The following CENPM variants were observed in gnomAD, a reference collection of about 807,000 sequenced individuals.
CENPM encodes interphase centromere complex protein 39.
A neutral mutation model predicts 19.6 loss-of-function variants in CENPM; 14 were observed. The observed-to-expected ratio is 0.71, with a 90% CI of 0.47 to 1.11. The LOEUF is 1.11. CENPM is among the 50% of genes most tolerant of loss of function. CENPM has a pLI of 0.00. For missense variants in CENPM, 239 were observed against 228.4 expected (o/e 1.05, Z -0.30); for synonymous variants, 114 against 101.5 (o/e 1.12, Z -0.74).
Position 41,947,095 on chromosome 22 carries a change from C to G in CENPM, c.-19G>C, listed in dbSNP as rs762721418. ...CCGACATCACAGCCGCAGGACCAAC[C>G]GTTGCTCCTGCGGTGCGCGCCGATC... On this transcript the variant is annotated 5_prime_UTR_variant, in exon 1 of 6. Transcript: ENST00000215980. 2 of 1,611,926 alleles carry G rather than the reference C, an allele frequency of 1.2e-6. No homozygotes were observed. Among genetic ancestry groups the G allele is most frequent in the Non-Finnish European group, 1.7e-6 (2 of 1,179,170 alleles).
At chr22:41,943,507 A>G in intron 5 of CENPM, 103 bp downstream of exon 5, 1 of 991,044 alleles carries the variant, frequency 1.0e-6, no homozygotes, top group Admixed American at 2.3e-5. Context: ...CCTCGCTCGG[A>G]TACTAAGTCC....
rs1400086739 is a variant in CENPM, at chr22:41,938,834, G to C, written c.*222C>G. ...CTGCTTAAAGACACAGGCTCTGCAA[G>C]AGTGAGTGTGGGAGTGGGAGGGGGC... On this transcript the variant is annotated 3_prime_UTR_variant, in exon 6 of 6. Transcript: ENST00000215980. The C allele has an allele frequency of 1.9e-6, 1 of 519,982 alleles. No homozygotes were observed. The highest frequency in any genetic ancestry group is 1.9e-5 in the African/African-American group (1 of 52,094). 32.2% of individuals were successfully genotyped at this position (519,982 alleles called of 1,614,324 possible).
intron 3 of CENPM, among the ~76,000 whole-genome samples, chr22:41,945,691 C>T (rs1237932019): frequency 6.6e-6 from 1 of 152,172 alleles, no homozygotes; most frequent in East Asian, 1.9e-4. Flanking sequence ...CCACCTTGGC[C>T]TCCCAAAGTG....
At position 41,947,142 on chromosome 22, in the gene CENPM, G is replaced by A; in HGVS notation, c.-66C>T. ...GATCTTTCAAACCGCCCTGAGTCCAGCCCCTAGAGCGCGGCCTGGGGGCAC... is the reference window on the plus strand; with the variant it reads ...GATCTTTCAAACCGCCCTGAGTCCAACCCCTAGAGCGCGGCCTGGGGGCAC... On this transcript the variant is annotated 5_prime_UTR_variant, in exon 1 of 6. Coordinates refer to ENST00000215980, the MANE Select transcript of CENPM (RefSeq NM_024053.5). 1.3e-6 allele frequency: 2 copies of A among 1,528,912 alleles called. No individual in the cohort carries two copies. Among genetic ancestry groups the A allele is most frequent in the Non-Finnish European group, 1.8e-6 (2 of 1,111,966 alleles). 94.7% of individuals were successfully genotyped at this position (1,528,912 alleles called of 1,614,324 possible). A position where few individuals can be genotyped will look rare whatever the true frequency, so the allele number is the denominator to read the frequency against.
chr22:41,934,836 C>G (rs2077677351), downstream of CENPM, among the ~76,000 whole-genome samples: 2 of 152,208 alleles, frequency 1.3e-5, no homozygotes, highest in Non-Finnish European at 2.9e-5. Flanking sequence ...CCAGCCTCTC[C>G]CATCTCCCTC....
chr22:41,929,970 GTCTC>G, the CENPM span, among the ~76,000 whole-genome samples: 1 of 121,504 alleles, frequency 8.2e-6, no homozygotes, highest in African/African-American at 3.4e-5. Context: ...TTGAGACGGA[GTCTC>G]TCTCTGTCGC....
In CENPM at chr22:41,943,800, TCA is replaced by T. The variant is rs1213411256; in HGVS notation, c.311-101_311-100del. 1.3e-5 allele frequency: 13 copies of T among 1,010,224 alleles called. No homozygotes were observed. In the South Asian group the frequency reaches 1.6e-4, roughly 13 times the overall value. 62.6% of individuals were successfully genotyped at this position (1,010,224 alleles called of 1,614,324 possible). A position where few individuals can be genotyped will look rare whatever the true frequency, so the allele number is the denominator to read the frequency against. On this transcript the variant is annotated intron_variant, in intron 4 of 5. Transcript: ENST00000215980. ...GTCACTCACTTCCCCACTCTGGGGC[TCA>T]GTTTCTTTCTAGTCGCGAGGGTGAC...
In CENPM at chr22:41,940,852, C is replaced by G. The variant is rs1391465423; in HGVS notation, c.403-1656G>C. Among the ~76,000 whole-genome samples the G allele has an allele frequency of 2.0e-5, 3 of 152,192 alleles. No homozygotes were observed. The East Asian group carries it at 5.8e-4, about 29-fold the overall frequency. ...GAGGCTTGGGTTCCACAACCTGCCT[C>G]CTGCAGCAGCCTCGACCCAGCCTCC... On this transcript the variant is annotated intron_variant, in intron 5 of 5. Coordinates refer to ENST00000215980, the MANE Select transcript of CENPM (RefSeq NM_024053.5).
chr22:41,936,147 G>A (rs2077682792), downstream of CENPM, among the ~76,000 whole-genome samples: 1 of 152,232 alleles, frequency 6.6e-6, no homozygotes. Flanking sequence ...TGGGATTACA[G>A]GCGTGAGCCA....
chr22:41,931,239 C>T, the CENPM span, among the ~76,000 whole-genome samples: 13 of 149,452 alleles, frequency 8.7e-5, no homozygotes, highest in Non-Finnish European at 1.9e-4. Context: ...GAGACCGAGG[C>T]GGGTGGATCA....
At chr22:41,939,856 G>GAAAAAGAAAGAAAGAAAAAGAAAGAA (rs1221942295) in intron 5 of CENPM, among the ~76,000 whole-genome samples, 1 of 27,382 alleles carries the variant, frequency 3.7e-5, no homozygotes, top group African/African-American at 5.5e-4. Context: ...AAGAAAGAAA[G>GAAAAAGAAAGAAAGAAAAAGAAAGAA]AAAGAAAGAA....
At chr22:41,942,189 G>A (rs2077746827) in intron 5 of CENPM, among the ~76,000 whole-genome samples, 1 of 152,246 alleles carries the variant, frequency 6.6e-6, no homozygotes, top group Non-Finnish European at 1.5e-5. Flanking sequence ...CCAAAGGAAT[G>A]GAGCAGGCCT....
chr22:41,944,952 G>A, intron 4 of CENPM: 1 of 1,298,248 alleles, frequency 7.7e-7, no homozygotes. Flanking sequence ...TTTATTTTAA[G>A]TTCAGGGGTA....
At chr22:41,937,992 C>T (rs967416475), downstream of CENPM, among the ~76,000 whole-genome samples, 17 of 151,950 alleles carry the variant, frequency 1.1e-4, no homozygotes, top group African/African-American at 3.9e-4. Context: ...TACAGATGCC[C>T]GCCACCATGC....
chr22:41,940,326 C>A, intron 5 of CENPM: 1 of 593,636 alleles, frequency 1.7e-6, no homozygotes, highest in South Asian at 2.0e-5. Context: ...ACACGCCACG[C>A]CTCCACTTTC....
intron 4 of CENPM, chr22:41,944,959 G>T (rs756223464): frequency 9.9e-6 from 13 of 1,315,474 alleles, no homozygotes; most frequent in African/African-American, 1.5e-5. Context: ...TAAGTTCAGG[G>T]GTACATGTGC....
At chr22:41,933,191 C>A in the CENPM span, among the ~76,000 whole-genome samples, 1 of 152,280 alleles carries the variant, frequency 6.6e-6, no homozygotes, top group Middle Eastern at 3.4e-3. Context: ...ATCTCCCTAC[C>A]CGGCCGTCTC....
intron 1 of CENPM, 152 bp from the exon 2 acceptor site, chr22:41,946,648 C>T (rs955478954): frequency 5.9e-5 from 39 of 663,516 alleles, no homozygotes; most frequent in Non-Finnish European, 6.0e-5. Context: ...CGAAGCGGCA[C>T]GGGCTGGGGG....
chr22:41,946,538 G>A (rs759944561), intron 1 of CENPM, 42 bp from the exon 2 acceptor site: 23 of 1,561,780 alleles, frequency 1.5e-5, no homozygotes, highest in Non-Finnish European at 1.8e-5. Context: ...CCTAGGCACA[G>A]CACCCCCTGG....
Sources: allele counts gnomAD v4.1 joint callset (sites outside exome capture counted in the v4.1 genomes callset), GRCh38; gene constraint gnomAD v4.1.1; transcripts MANE v1.5; gene names NCBI Gene and HGNC (gene_info 2026-07-23, HGNC 2026-07-21).